CTBS: variants seen among roughly 807,000 people sequenced by gnomAD.
CTBS encodes di-N-acetylchitobiase.
Under a neutral mutation model 44.3 loss-of-function variants are expected in CTBS, and 35 were observed. The ratio of observed to expected loss-of-function variants is 0.79; its 90% CI spans 0.60 to 1.05. CTBS has a LOEUF of 1.05. Ranked by LOEUF, CTBS falls within the 50% of genes least tolerant of loss-of-function variation. CTBS has a pLI of 0.00. For synonymous variants in CTBS, 143 were observed against 168.0 expected (o/e 0.85, Z 1.15); for missense variants, 458 against 475.3 (o/e 0.96, Z 0.34).
At chr1:84,568,955 T>C (rs924608255) in intron 3 of CTBS, among the ~76,000 whole-genome samples, 2 of 152,184 alleles carry the variant, frequency 1.3e-5, no homozygotes, top group African/African-American at 4.8e-5. Flanking sequence ...ATTAAACCTA[T>C]TGTCTTTATA....
chr1:84,565,290 G>C (rs1684669839), intron 4 of CTBS, among the ~76,000 whole-genome samples: 1 of 151,934 alleles, frequency 6.6e-6, no homozygotes, highest in Admixed American at 6.6e-5. Flanking sequence ...CTTTGAAGAG[G>C]ATAATGCAAA....
In CTBS at chr1:84,572,231, T is replaced by G. The variant is rs563591177; in HGVS notation, c.178-1511A>C. ...AGGCATTTCTTAATTTTTTTTAATT[T>G]TTTTTAACTTTTCAGAATTAATTAT... On this transcript the variant is annotated intron_variant, in intron 1 of 6. Coordinates refer to ENST00000370630, the MANE Select transcript of CTBS (RefSeq NM_004388.3). 4.6e-5 allele frequency among the ~76,000 whole-genome samples: 7 copies of G among 152,290 alleles called. No individual in the cohort carries two copies. In the South Asian group the frequency reaches 1.4e-3, roughly 32 times the overall value.
chr1:84,560,272 T>C (rs1684566260), intron 6 of CTBS, among the ~76,000 whole-genome samples: 1 of 152,038 alleles, frequency 6.6e-6, no homozygotes. Flanking sequence ...TTCTGTGTAA[T>C]AGCTGGCCAT....
intron 1 of CTBS, among the ~76,000 whole-genome samples, chr1:84,572,406 TACTA>T (rs1246364191): frequency 2.0e-5 from 3 of 147,916 alleles, no homozygotes; most frequent in Non-Finnish European, 4.5e-5. Flanking sequence ...GTTTAAAAAA[TACTA>T]AGAGCCTGTG....
intron 5 of CTBS, 48 bp from the exon 6 acceptor site, chr1:84,563,466 C>A: frequency 7.5e-7 from 1 of 1,333,630 alleles, no homozygotes; most frequent in Non-Finnish European, 9.8e-7. Flanking sequence ...TTATGCAATT[C>A]TTAAAAGCCA....
chr1:84,573,974 A>T, intron 1 of CTBS: 1 of 1,359,470 alleles, frequency 7.4e-7, no homozygotes. Flanking sequence ...GAATGAAAGG[A>T]GCTTGCCTTA....
chr1:84,564,906 G>A (rs1684663385), intron 4 of CTBS, among the ~76,000 whole-genome samples: 1 of 151,972 alleles, frequency 6.6e-6, no homozygotes, highest in Non-Finnish European at 1.5e-5. Flanking sequence ...GGGCATGGTG[G>A]TGCATGCCTG....
At chr1:84,563,674 C>A in intron 5 of CTBS, 61 bp downstream of exon 5, 1 of 1,004,772 alleles carries the variant, frequency 1.0e-6, no homozygotes, top group Non-Finnish European at 1.4e-6. Flanking sequence ...CTAATGAAAA[C>A]AGAGAGACTC....
intron 6 of CTBS, among the ~76,000 whole-genome samples, chr1:84,562,407 A>G (rs1684612204): frequency 6.6e-6 from 1 of 152,208 alleles, no homozygotes; most frequent in Admixed American, 6.5e-5. Context: ...CTGTGGAGGC[A>G]TACACATGTA....
At chr1:84,570,490 CAT>C in intron 2 of CTBS, 90 bp downstream of exon 2, 1 of 1,090,480 alleles carries the variant, frequency 9.2e-7, no homozygotes, top group Non-Finnish European at 1.3e-6. Context: ...AACAGATAAA[CAT>C]AAAAGGACTT....
intron 6 of CTBS, among the ~76,000 whole-genome samples, chr1:84,555,452 C>A (rs1006542924): frequency 1.3e-5 from 2 of 152,112 alleles, no homozygotes; most frequent in Admixed American, 1.3e-4. Flanking sequence ...TTAGACTTTA[C>A]GATGGATTTA....
In CTBS at chr1:84,556,437, G is replaced by A. The variant is rs143901154; in HGVS notation, c.958-1238C>T. Among the ~76,000 whole-genome samples, 570 of 152,214 alleles carry A rather than the reference G, an allele frequency of 3.7e-3. 2 individuals are homozygous for A. Among genetic ancestry groups the A allele is most frequent in the Non-Finnish European group, 4.7e-3 (321 of 68,010 alleles). ...CTTAAGATGACCACTTTGGGGCCGG[G>A]CACGGTGTCTCAGGCCTGTAATACC... On this transcript the variant is annotated intron_variant, in intron 6 of 6. Coordinates refer to ENST00000370630, the MANE Select transcript of CTBS (RefSeq NM_004388.3).
intron 3 of CTBS, among the ~76,000 whole-genome samples, chr1:84,567,980 T>C (rs962640801): frequency 2.6e-5 from 4 of 152,142 alleles, no homozygotes; most frequent in Non-Finnish European, 5.9e-5. Flanking sequence ...CAGAATAGTT[T>C]CCCCAAACAC....
chr1:84,566,686 G>A (rs1317952247), intron 3 of CTBS, among the ~76,000 whole-genome samples: 2 of 152,200 alleles, frequency 1.3e-5, no homozygotes, highest in African/African-American at 2.4e-5. Flanking sequence ...AGGGTGGAGT[G>A]CAGTGGCGCA....
chr1:84,568,843 C>T (rs942030151), intron 3 of CTBS, among the ~76,000 whole-genome samples: 24 of 152,104 alleles, frequency 1.6e-4, no homozygotes, highest in African/African-American at 3.6e-4. Flanking sequence ...GTGCTGATCC[C>T]GCTTTGCCTT....
Position 84,550,719 on chromosome 1 carries a change from T to G in CTBS, c.*4280A>C. ...AAGAAAAACTAAACCTGTGAAAAGA[T>G]ACATGATATAATAAAGCCAAAGTAA... On this transcript the variant is annotated 3_prime_UTR_variant, in exon 7 of 7. Transcript: ENST00000370630. 1 of 1,168,754 alleles carries G rather than the reference T, an allele frequency of 8.6e-7. No individual in the cohort carries two copies. Among genetic ancestry groups the G allele is most frequent in the Non-Finnish European group, 1.1e-6 (1 of 941,532 alleles). The allele number at this position is 1,168,754 out of a possible 1,614,324, so 72.4% of individuals were successfully genotyped here.
intron 6 of CTBS, chr1:84,555,932 G>A (rs1418461566): frequency 6.6e-6 from 1 of 152,204 alleles, no homozygotes; most frequent in African/African-American, 2.4e-5. Context: ...TGCCTGGCTA[G>A]GAGGTCTACA....
chr1:84,557,732 C>G (rs1459666235), intron 6 of CTBS, among the ~76,000 whole-genome samples: 1 of 150,926 alleles, frequency 6.6e-6, no homozygotes, highest in Non-Finnish European at 1.5e-5. Context: ...GTGGCGGGCA[C>G]CTGTAGTCCC....
At position 84,563,277 on chromosome 1, in the gene CTBS, C is replaced by G. The variant is rs1362956992; in HGVS notation, c.937G>C (p.Ala313Pro). 6.4e-7 allele frequency: 1 copy of G among 1,557,482 alleles called. No homozygotes were observed. Among genetic ancestry groups the G allele is most frequent in the African/African-American group, 1.4e-5 (1 of 71,660 alleles). The change falls in exon 6 of 7, where the codon GCT becomes CCT. Residue 313 changes from alanine to proline, a missense_variant. Coordinates refer to ENST00000370630, the MANE Select transcript of CTBS (RefSeq NM_004388.3). ...CTTACTTTATAGTTATAATAAGGAG[C>G]CCGCTGATCTTTATCCCATAGGTTT... ...SGNLWDKDQR[A>P]PYYNYKDPAG...
Sources: gnomAD v4.1 joint callset for allele counts (sites outside exome capture counted in the v4.1 genomes callset) on GRCh38, gnomAD v4.1.1 for gene constraint, MANE v1.5 for transcripts, NCBI Gene and HGNC (gene_info 2026-07-23, HGNC 2026-07-21) for gene names.